AKT3: variants seen among roughly 807,000 people sequenced by gnomAD.
The protein encoded by AKT3 is AKT serine/threonine kinase 3.
In AKT3, 15 loss-of-function variants were observed where a neutral mutation model predicts 65.3. That is an observed-to-expected ratio of 0.23 (90% CI 0.15 to 0.35). The LOEUF (loss-of-function observed/expected upper bound fraction) is 0.35, where lower values mean the gene tolerates loss of function less well. AKT3 is among the 10% of genes least tolerant of loss of function. The probability of loss-of-function intolerance (pLI) is 1.00; values close to 1 mark genes in which losing one functional copy is unlikely to be tolerated. For synonymous variants in AKT3, 206 were observed against 183.8 expected (o/e 1.12, Z -0.98); for missense variants, 243 against 576.5 (o/e 0.42, Z 5.92).
chr1:243,653,062 G>T (rs867239221), intron 4 of AKT3, among the ~76,000 whole-genome samples: 6 of 151,940 alleles, frequency 3.9e-5, no homozygotes, highest in Admixed American at 2.0e-4. Context: ...GAATCCAGGA[G>T]CTGGTTTTTT....
Position 243,615,144 on chromosome 1 carries a change from A to T in AKT3, c.579T>A (p.Thr193=), listed in dbSNP as rs142813935. 6.2e-7 allele frequency: 1 copy of T among 1,608,654 alleles called. No individual in the cohort carries two copies. Residue 193 remains threonine, a synonymous_variant, in exon 7 of 14, where the codon ACT becomes ACA. Coordinates refer to ENST00000673466, the MANE Select transcript of AKT3 (RefSeq NM_005465.7). ...TCTTTAATACTCTGCTTTCAGTTAG[A>T]GTGTGTGCCACTTCATCCTACAAAA... ...VIIAKDEVAH[T]LTESRVLKNT...
Position 243,638,837 on chromosome 1 carries a change from A to G in AKT3, c.430-1095T>C, listed in dbSNP as rs79910798. Among the ~76,000 whole-genome samples, 52 of 152,258 alleles carry G rather than the reference A, an allele frequency of 3.4e-4. 3 individuals are homozygous for G. In the South Asian group the frequency reaches 0.011, roughly 32 times the overall value. ...TCCACCTTAACAAACTTAAAAAAAA[A>G]GCAAGTTAACCCAAAAGAGTTAGAA... On this transcript the variant is annotated intron_variant, in intron 5 of 13. Coordinates refer to ENST00000673466, the MANE Select transcript of AKT3 (RefSeq NM_005465.7).
At chr1:243,618,117 G>A (rs969463101) in intron 6 of AKT3, among the ~76,000 whole-genome samples, 1 of 152,046 alleles carries the variant, frequency 6.6e-6, no homozygotes, top group Non-Finnish European at 1.5e-5. Flanking sequence ...GGCTTATCAC[G>A]CATAATAGTT....
In AKT3 at chr1:243,744,929, T is replaced by C. The variant is rs1425525523; in HGVS notation, c.47-49213A>G. 4.8e-5 allele frequency among the ~76,000 whole-genome samples: 7 copies of C among 146,422 alleles called. No individual in the cohort carries two copies. In the East Asian group the frequency reaches 1.4e-3, roughly 29 times the overall value. On this transcript the variant is annotated intron_variant, in intron 2 of 13. Coordinates refer to ENST00000673466, the MANE Select transcript of AKT3 (RefSeq NM_005465.7). Reference sequence around the variant, plus strand: ...CTGTATTCATGAGTCCTTGGCTCATTAAAAAAAAAAAATTGTTTTAATTTC... The same window carrying C: ...CTGTATTCATGAGTCCTTGGCTCATCAAAAAAAAAAAATTGTTTTAATTTC...
At chr1:243,663,327 C>T (rs976207352) in intron 4 of AKT3, among the ~76,000 whole-genome samples, 7 of 152,082 alleles carry the variant, frequency 4.6e-5, no homozygotes, top group African/African-American at 1.4e-4. Context: ...TGAAAAGATA[C>T]ATAGGAATTA....
intron 2 of AKT3, among the ~76,000 whole-genome samples, chr1:243,757,846 C>T (rs992866716): frequency 1.8e-4 from 27 of 151,990 alleles, no homozygotes; most frequent in South Asian, 6.2e-4. Flanking sequence ...CTGCAACCTC[C>T]GCCTCTCAGG....
intron 11 of AKT3, among the ~76,000 whole-genome samples, chr1:243,552,343 C>T (rs905255402): frequency 7.3e-6 from 1 of 137,142 alleles, no homozygotes; most frequent in Non-Finnish European, 1.5e-5. Context: ...ACACAGGTTG[C>T]GGGTGGGAGG....
At chr1:243,719,462 A>G (rs1686735927) in intron 2 of AKT3, among the ~76,000 whole-genome samples, 1 of 152,190 alleles carries the variant, frequency 6.6e-6, no homozygotes, top group Admixed American at 6.5e-5. Flanking sequence ...TTTCCTGACT[A>G]CCAATTCCAA....
intron 2 of AKT3, among the ~76,000 whole-genome samples, chr1:243,723,714 T>A (rs1402499314): frequency 6.6e-6 from 1 of 151,978 alleles, no homozygotes; most frequent in Non-Finnish European, 1.5e-5. Context: ...CTTGAGGACA[T>A]CATATGAGTT....
chr1:243,761,908 T>A (rs1051971275), intron 2 of AKT3, among the ~76,000 whole-genome samples: 1 of 152,108 alleles, frequency 6.6e-6, no homozygotes, highest in African/African-American at 2.4e-5. Flanking sequence ...TATCCTGGAA[T>A]CTCTCTTGTC....
At chr1:243,541,997 C>T (rs944272474) in intron 12 of AKT3, among the ~76,000 whole-genome samples, 1 of 152,132 alleles carries the variant, frequency 6.6e-6, no homozygotes. Context: ...AAGACTTAAA[C>T]ATTGAAAATT....
intron 6 of AKT3, among the ~76,000 whole-genome samples, chr1:243,622,537 T>C (rs1678834519): frequency 6.6e-6 from 1 of 152,212 alleles, no homozygotes; most frequent in Admixed American, 6.5e-5. Context: ...TCCCAGTGCC[T>C]AGAGCAGTAC....
rs1677709788 is a variant in AKT3 at position 243,609,563 on chromosome 1, C to T, written c.696+4108G>A. On this transcript the variant is annotated intron_variant, in intron 8 of 13. Coordinates refer to ENST00000673466, the MANE Select transcript of AKT3 (RefSeq NM_005465.7). ...ATCCTAGCTACTCGGGAGACTGAGGCATGAGGACTGCTTGAGCCCAGGAGG... is the reference window on the plus strand; with the variant it reads ...ATCCTAGCTACTCGGGAGACTGAGGTATGAGGACTGCTTGAGCCCAGGAGG... Among the ~76,000 whole-genome samples the T allele has an allele frequency of 2.6e-5, 4 of 152,130 alleles. No individual in the cohort carries two copies. The South Asian group carries it at 8.3e-4, about 31-fold the overall frequency.
chr1:243,821,195 A>T (rs1418188639), intron 2 of AKT3, among the ~76,000 whole-genome samples: 1 of 152,158 alleles, frequency 6.6e-6, no homozygotes, highest in Non-Finnish European at 1.5e-5. Context: ...TCATAGGCTT[A>T]GTTTGGAAAA....
intron 2 of AKT3, among the ~76,000 whole-genome samples, chr1:243,729,187 A>G (rs1687394678): frequency 6.6e-6 from 1 of 152,182 alleles, no homozygotes. Flanking sequence ...CAAACCATGC[A>G]ATAAAATTTT....
At chr1:243,535,218 TA>T (rs1462382782) in intron 12 of AKT3, among the ~76,000 whole-genome samples, 1 of 151,046 alleles carries the variant, frequency 6.6e-6, no homozygotes. Context: ...TATTTTAAAA[TA>T]TATTTTAAAA....
chr1:243,831,601 T>C (rs559058897), intron 2 of AKT3, among the ~76,000 whole-genome samples: 1 of 152,210 alleles, frequency 6.6e-6, no homozygotes, highest in African/African-American at 2.4e-5. Context: ...TTTCTCTATG[T>C]CAAAGGGTAT....
chr1:243,765,287 TAAG>T (rs1298140565), intron 2 of AKT3, among the ~76,000 whole-genome samples: 2 of 151,994 alleles, frequency 1.3e-5, no homozygotes, highest in Admixed American at 6.6e-5. Flanking sequence ...TAGAAGTGAC[TAAG>T]AAGAGAATTT....
At chr1:243,554,337 T>C (rs1042322591) in intron 10 of AKT3, among the ~76,000 whole-genome samples, 2 of 152,172 alleles carry the variant, frequency 1.3e-5, no homozygotes, top group African/African-American at 4.8e-5. Context: ...TGGTAAGATA[T>C]GAACACATGT....
Sources: gnomAD v4.1 joint callset for allele counts (sites outside exome capture counted in the v4.1 genomes callset) on GRCh38, gnomAD v4.1.1 for gene constraint, MANE v1.5 for transcripts, NCBI Gene and HGNC (gene_info 2026-07-23, HGNC 2026-07-21) for gene names.